PLA2G7: variants seen among roughly 807,000 people sequenced by gnomAD.
The protein encoded by PLA2G7 is phospholipase A2 group VII.
Under a neutral mutation model 49.6 loss-of-function variants are expected in PLA2G7, and 63 were observed. The observed-to-expected ratio is 1.27, with a 90% CI of 1.04 to 1.57. PLA2G7 has a LOEUF of 1.57. Among genes scored for constraint, PLA2G7 ranks in the 40% most tolerant of loss-of-function variants. The probability of loss-of-function intolerance (pLI) is 0.00; values close to 1 mark genes in which losing one functional copy is unlikely to be tolerated. For synonymous variants in PLA2G7, 193 were observed against 169.9 expected (o/e 1.14, Z -1.06); for missense variants, 596 against 521.2 (o/e 1.14, Z -1.40).
At chr6:46,734,401 G>GGTGTGTGTGTGTCT (rs1554184857) in intron 1 of PLA2G7, among the ~76,000 whole-genome samples, 1 of 75,394 alleles carries the variant, frequency 1.3e-5, no homozygotes, top group African/African-American at 9.3e-5. Context: ...GGTGTGTAGT[G>GGTGTGTGTGTGTCT]GTGTGTGTGT....
intron 1 of PLA2G7, among the ~76,000 whole-genome samples, chr6:46,732,969 C>A (rs1421369): frequency 2.0e-5 from 3 of 151,888 alleles, no homozygotes; most frequent in Non-Finnish European, 2.9e-5. Context: ...CTTATTATCA[C>A]GAATCTTGAA....
At position 46,717,065 on chromosome 6, in the gene PLA2G7, A is replaced by G. The variant is rs541701584; in HGVS notation, c.141T>C (p.Ala47=). The change falls in exon 3 of 12, where the codon GCT becomes GCC. Residue 47 remains alanine, a synonymous_variant. Coordinates refer to ENST00000274793, the MANE Select transcript of PLA2G7 (RefSeq NM_005084.4). ...AWVNKIQVLM[A]AASFGQTKIP... ...TTTTAGTTTGGCCAAAGCTTGCAGCAGCCATCAGTACTTGTATTTTGTTGA... is the reference window on the plus strand; with the variant it reads ...TTTTAGTTTGGCCAAAGCTTGCAGCGGCCATCAGTACTTGTATTTTGTTGA... 1.2e-6 allele frequency: 2 copies of G among 1,613,800 alleles called. No individual in the cohort carries two copies. The highest frequency in any genetic ancestry group is 1.7e-6 in the Non-Finnish European group (2 of 1,179,626).
chr6:46,710,957 CAAACAT>C (rs1330823258), intron 7 of PLA2G7, among the ~76,000 whole-genome samples: 3 of 152,152 alleles, frequency 2.0e-5, no homozygotes, highest in Admixed American at 2.0e-4. Flanking sequence ...TGGGTGGACT[CAAACAT>C]AATAACACAT....
chr6:46,720,532 G>A (rs1765361774), intron 2 of PLA2G7, among the ~76,000 whole-genome samples: 1 of 152,194 alleles, frequency 6.6e-6, no homozygotes, highest in African/African-American at 2.4e-5. Context: ...GTGCCTGGGG[G>A]TGGCTGTGGA....
intron 8 of PLA2G7, among the ~76,000 whole-genome samples, chr6:46,710,011 G>A (rs1764958711): frequency 6.6e-6 from 1 of 152,144 alleles, no homozygotes; most frequent in Admixed American, 6.6e-5. Flanking sequence ...AGGCCAAGGG[G>A]ACAACATGTA....
chr6:46,734,355 G>C (rs573288677), intron 1 of PLA2G7, among the ~76,000 whole-genome samples: 5 of 151,172 alleles, frequency 3.3e-5, no homozygotes, highest in Non-Finnish European at 7.4e-5. Context: ...GTGAGAGAGA[G>C]AGCGGAGGGA....
At position 46,709,461 on chromosome 6, in the gene PLA2G7, T is replaced by C. The variant is rs756630531; in HGVS notation, c.778-43A>G. The stretch of plus-strand genomic sequence containing the variant: ...ATATAAATTTATAGCTATTTCGTGG[T>C]GTTAGAAGAAATGATTTTGTCAATC... On this transcript the variant is annotated intron_variant, in intron 8 of 11. Transcript: ENST00000274793. 5.4e-5 allele frequency: 58 copies of C among 1,072,936 alleles called. No individual in the cohort carries two copies. The Middle Eastern group carries it at 7.9e-4, about 15-fold the overall frequency. The allele number at this position is 1,072,936 out of a possible 1,614,324, so 66.5% of individuals were successfully genotyped here.
chr6:46,735,239 A>G lies in PLA2G7; in HGVS notation c.-94T>C, dbSNP rs200427748. 6.6e-6 allele frequency: 1 copy of G among 152,230 alleles called. No individual in the cohort carries two copies. The highest frequency in any genetic ancestry group is 1.5e-5 in the Non-Finnish European group (1 of 68,056). The allele number at this position is 152,230 out of a possible 1,614,324, so 9.4% of individuals were successfully genotyped here. On this transcript the variant is annotated 5_prime_UTR_variant, in exon 1 of 12. Coordinates refer to ENST00000274793, the MANE Select transcript of PLA2G7 (RefSeq NM_005084.4). ...GGTCCCTGGGCGCGTTCCACCGCGCACCAACGCGACCCAAGCGCTCCAAAC... is the reference window on the plus strand; with the variant it reads ...GGTCCCTGGGCGCGTTCCACCGCGCGCCAACGCGACCCAAGCGCTCCAAAC...
rs761917807 is a variant in PLA2G7, at chr6:46,722,814, G to A, written c.78C>T (p.Tyr26=). Residue 26 remains tyrosine (Y), a synonymous_variant, in exon 2 of 12, where the codon TAC becomes TAT. Transcript: ENST00000274793. ...ATTTCATATGGGCAACAGGATTTAT[G>A]TATTGCCAGTCAAAAGGATAAACCA... ...LAVVYPFDWQ[Y]INPVAHMKSS... 7 of 1,611,408 alleles carry A rather than the reference G, an allele frequency of 4.3e-6. No individual in the cohort carries two copies. Among genetic ancestry groups the A allele is most frequent in the Non-Finnish European group, 5.9e-6 (7 of 1,177,562 alleles).
At position 46,708,003 on chromosome 6, in the gene PLA2G7, A is replaced by T; in HGVS notation, c.1028T>A (p.Met343Lys). 2 of 1,565,572 alleles carry T rather than the reference A, an allele frequency of 1.3e-6. No homozygotes were observed. Among genetic ancestry groups the T allele is most frequent in the East Asian group, 2.2e-5 (1 of 44,570 alleles). Residue 343 changes from methionine (M) to lysine (K), a missense_variant, in exon 10 of 12, where the codon ATG becomes AAG. Transcript: ENST00000274793. ...CACTAATACTTACCTGATTGTAATC[A>T]TCTTTCTTTCTTTATCAGGTGAGTA... ...KCYSPDKERK[M>K]ITIRGSVHQN...
At position 46,735,367 on chromosome 6, in the gene PLA2G7, G is replaced by C. The variant is rs976632616; in HGVS notation, c.-222C>G. 6.5e-6 allele frequency: 1 copy of C among 152,686 alleles called. No homozygotes were observed. Among genetic ancestry groups the C allele is most frequent in the Non-Finnish European group, 1.5e-5 (1 of 68,376 alleles). The allele number at this position is 152,686 out of a possible 1,614,324, so 9.5% of individuals were successfully genotyped here. A position where few individuals can be genotyped will look rare whatever the true frequency, so the allele number is the denominator to read the frequency against. On this transcript the variant is annotated 5_prime_UTR_variant, in exon 1 of 12. Transcript: ENST00000274793. ...CAGGCGGCGGGCGGGTGGGCTGCGC[G>C]CGGGCTGTGTCCTGGGTCCGCCTAG... is the stretch of plus-strand genomic sequence containing the variant.
Position 46,717,014 on chromosome 6 carries a change from G to T in PLA2G7, c.192C>A (p.Ser64=). Residue 64 remains serine (S), a synonymous_variant, in exon 3 of 12, where the codon TCC becomes TCA. Coordinates refer to ENST00000274793, the MANE Select transcript of PLA2G7 (RefSeq NM_005084.4). ...TKIPRGNGPY[S]VGCTDLMFDH... ...CAAACATTAAGTCTGTACAACCAAC[G>T]GAATAAGGCCCATTTCCCCGGGGGA... 6.2e-7 allele frequency: 1 copy of T among 1,613,406 alleles called. No homozygotes were observed. Among genetic ancestry groups the T allele is most frequent in the Non-Finnish European group, 8.5e-7 (1 of 1,179,386 alleles).
intron 1 of PLA2G7, among the ~76,000 whole-genome samples, chr6:46,734,452 G>C (rs1312307830): frequency 8.9e-5 from 10 of 112,594 alleles, no homozygotes; most frequent in African/African-American, 2.6e-4. Context: ...GAGAGAGAGA[G>C]AGAGAGAGAG....
intron 5 of PLA2G7, among the ~76,000 whole-genome samples, chr6:46,712,680 A>C (rs1480886733): frequency 2.0e-5 from 3 of 152,220 alleles, no homozygotes; most frequent in African/African-American, 7.2e-5. Flanking sequence ...AACCCAGGGC[A>C]GTGATTATAA....
At position 46,706,703 on chromosome 6, in the gene PLA2G7, A is replaced by T. The variant is rs542608545; in HGVS notation, c.1040+1288T>A. Reference sequence around the variant, plus strand: ...TATTGGCTATTCTTTGAAGGTTTCTAGCAGAGAAGGGACAAAAGCAAAGGT... The same window carrying T: ...TATTGGCTATTCTTTGAAGGTTTCTTGCAGAGAAGGGACAAAAGCAAAGGT... On this transcript the variant is annotated intron_variant, in intron 10 of 11. Coordinates refer to ENST00000274793, the MANE Select transcript of PLA2G7 (RefSeq NM_005084.4). Among the ~76,000 whole-genome samples the T allele has an allele frequency of 2.0e-5, 3 of 152,354 alleles. No homozygotes were observed. In the South Asian group the frequency reaches 6.2e-4, roughly 32 times the overall value.
intron 8 of PLA2G7, among the ~76,000 whole-genome samples, chr6:46,710,115 C>A (rs1764962548): frequency 6.6e-6 from 1 of 152,090 alleles, no homozygotes; most frequent in Admixed American, 6.6e-5. Flanking sequence ...TTCTCTAGTT[C>A]CCCCTAATCC....
chr6:46,710,421 G>A (rs879423417), intron 8 of PLA2G7, 124 bp downstream of exon 8: 28 of 701,344 alleles, frequency 4.0e-5, no homozygotes, highest in Non-Finnish European at 4.7e-5. Context: ...CTGTGTGTGC[G>A]CATTGGGGAG....
At chr6:46,716,836 G>T in intron 3 of PLA2G7, 139 bp downstream of exon 3, 1 of 859,300 alleles carries the variant, frequency 1.2e-6, no homozygotes, top group African/African-American at 1.7e-5. Context: ...ACTAGTAAAA[G>T]CCTTCATATG....
At chr6:46,720,460 G>T (rs1765359113) in intron 2 of PLA2G7, among the ~76,000 whole-genome samples, 1 of 152,200 alleles carries the variant, frequency 6.6e-6, no homozygotes, top group African/African-American at 2.4e-5. Context: ...AAGACCTCAG[G>T]AATCATCAGG....
Sources: gnomAD v4.1 joint callset for allele counts (sites outside exome capture counted in the v4.1 genomes callset) on GRCh38, gnomAD v4.1.1 for gene constraint, MANE v1.5 for transcripts, NCBI Gene and HGNC (gene_info 2026-07-23, HGNC 2026-07-21) for gene names.